Variants in PIK3R5 observed in about 807,000 individuals in gnomAD.
The protein encoded by PIK3R5 is phosphoinositide 3-kinase regulatory subunit 5.
A neutral mutation model predicts 94.9 loss-of-function variants in PIK3R5; 32 were observed. That is an observed-to-expected ratio of 0.34 (90% confidence interval 0.25 to 0.45). PIK3R5 has a LOEUF of 0.45. PIK3R5 is among the 20% of genes least tolerant of loss of function. The pLI is 1.00. For missense variants in PIK3R5, 853 were observed against 1,144.6 expected (o/e 0.75, Z 3.68); for synonymous variants, 443 against 479.4 (o/e 0.92, Z 0.99).
chr17:8,927,778 G>A (rs1274129173), intron 1 of PIK3R5, among the ~76,000 whole-genome samples: 1 of 152,110 alleles, frequency 6.6e-6, no homozygotes, highest in Non-Finnish European at 1.5e-5. Flanking sequence ...AGAGGTCTTT[G>A]GATGGTTGGA....
At chr17:8,938,882 A>C (rs2091124458) in intron 1 of PIK3R5, among the ~76,000 whole-genome samples, 1 of 152,250 alleles carries the variant, frequency 6.6e-6, no homozygotes, top group African/African-American at 2.4e-5. Flanking sequence ...GAGCAAAAGA[A>C]AAAGATGAGA....
At chr17:8,902,249 A>ATT (rs397960477) in intron 5 of PIK3R5, among the ~76,000 whole-genome samples, 1,689 of 77,216 alleles carry the variant, frequency 0.022, 194 homozygotes, top group African/African-American at 0.044. Flanking sequence ...TGATATATTA[A>ATT]TTTTTTTTTT....
rs571615156 is a variant in PIK3R5 at position 8,884,010 on chromosome 17, G to A, written c.2205+697C>T. Among the ~76,000 whole-genome samples the A allele has an allele frequency of 1.1e-4, 16 of 152,214 alleles. No individual in the cohort carries two copies. Among genetic ancestry groups the A allele is most frequent in the African/African-American group, 3.4e-4 (14 of 41,522 alleles). The stretch of plus-strand genomic sequence containing the variant: ...TTTTATTGCTTTGTCATCACTTGCC[G>A]CTCTCTGGAATTATCTTGGCTATTT... On this transcript the variant is annotated intron_variant, in intron 15 of 18. Transcript: ENST00000447110. The surrounding 1 kb of genome is among the most constrained non-coding windows in gnomAD (Gnocchi z 5.8).
intron 6 of PIK3R5, among the ~76,000 whole-genome samples, chr17:8,891,828 A>T (rs1209742917): frequency 2.7e-5 from 4 of 148,912 alleles, no homozygotes; most frequent in Non-Finnish European, 4.5e-5. Context: ...CTGGTCTTGA[A>T]CTCCTCACCT....
chr17:8,918,475 T>C (rs1171904450), intron 1 of PIK3R5, among the ~76,000 whole-genome samples: 1 of 152,098 alleles, frequency 6.6e-6, no homozygotes, highest in Non-Finnish European at 1.5e-5. Context: ...TACCCACAAG[T>C]CTATAGATAA....
At chr17:8,952,074 G>A (rs140208162) in intron 1 of PIK3R5, among the ~76,000 whole-genome samples, 1 of 152,342 alleles carries the variant, frequency 6.6e-6, no homozygotes, top group East Asian at 1.9e-4. Flanking sequence ...TATGGACCAT[G>A]AGATGAGAGC....
intron 1 of PIK3R5, among the ~76,000 whole-genome samples, chr17:8,930,799 T>A (rs1308989335): frequency 6.6e-6 from 1 of 152,252 alleles, no homozygotes; most frequent in Non-Finnish European, 1.5e-5. Flanking sequence ...TATTATTTCA[T>A]TGCACAATAC....
At position 8,890,948 on chromosome 17, in the gene PIK3R5, G is replaced by C; in HGVS notation, c.483-36C>G. 6.2e-7 allele frequency: 1 copy of C among 1,600,362 alleles called. No homozygotes were observed. The highest frequency in any genetic ancestry group is 8.5e-7 in the Non-Finnish European group (1 of 1,174,550). On this transcript the variant is annotated intron_variant, in intron 6 of 18. Transcript: ENST00000447110. The surrounding 1 kb of genome is among the most constrained non-coding windows in gnomAD (Gnocchi z 6.1). Reference sequence around the variant, plus strand: ...AGGGGACCGGCTATGGCACCCAGGGGTGCGCAGCATGCCACAGTGCAGCCA... The same window carrying C: ...AGGGGACCGGCTATGGCACCCAGGGCTGCGCAGCATGCCACAGTGCAGCCA...
rs1442587107 is a variant in PIK3R5 at position 8,892,808 on chromosome 17, CT to C, written c.482+777del. Among the ~76,000 whole-genome samples, 1 of 152,120 alleles carries C rather than the reference CT, an allele frequency of 6.6e-6. No homozygotes were observed. The highest frequency in any genetic ancestry group is 2.4e-5 in the African/African-American group (1 of 41,420). On this transcript the variant is annotated intron_variant, in intron 6 of 18. Coordinates refer to ENST00000447110, the MANE Select transcript of PIK3R5 (RefSeq NM_001142633.3). This position sits in a 1 kb window ranked among gnomAD's most constrained non-coding sequence, Gnocchi z 4.3. ...GAGGAGGGCCGGGGGCCTATAATTT[CT>C]GAGGTGGTGAAGGCCGGGGTCCCTG...
In PIK3R5 at chr17:8,952,502, TC is replaced by T. The variant is rs1283337348; in HGVS notation, c.-14+13093del. Among the ~76,000 whole-genome samples the T allele has an allele frequency of 3.3e-5, 5 of 152,192 alleles. No individual in the cohort carries two copies. In the East Asian group the frequency reaches 7.7e-4, roughly 24 times the overall value. ...TGGAGCACAGGTTTTCTACATGGAG[TC>T]CCCACCTCTGTGTGTCCTACTCTAG... On this transcript the variant is annotated intron_variant, in intron 1 of 18. Coordinates refer to ENST00000447110, the MANE Select transcript of PIK3R5 (RefSeq NM_001142633.3).
At chr17:8,944,354 G>A (rs1013254708) in intron 1 of PIK3R5, among the ~76,000 whole-genome samples, 1 of 152,094 alleles carries the variant, frequency 6.6e-6, no homozygotes, top group Non-Finnish European at 1.5e-5. Context: ...TTGATTCCAT[G>A]TCTTTGCTGT....
chr17:8,880,490 C>G lies in PIK3R5; in HGVS notation c.*149G>C, dbSNP rs1176990431. The G allele has an allele frequency of 3.0e-5, 23 of 754,832 alleles. No individual in the cohort carries two copies. Among genetic ancestry groups the G allele is most frequent in the Admixed American group, 1.3e-4 (4 of 30,128 alleles). 46.8% of individuals were successfully genotyped at this position (754,832 alleles called of 1,614,324 possible). A position where few individuals can be genotyped will look rare whatever the true frequency, so the allele number is the denominator to read the frequency against. ...AGAACCCTGAGGCCCCAGAAACCCT[C>G]TACTCCCAGCCCCTGCTCATTGCAG... On this transcript the variant is annotated 3_prime_UTR_variant, in exon 19 of 19. Coordinates refer to ENST00000447110, the MANE Select transcript of PIK3R5 (RefSeq NM_001142633.3).
intron 5 of PIK3R5, among the ~76,000 whole-genome samples, chr17:8,900,707 G>T (rs1392179122): frequency 6.6e-6 from 1 of 152,202 alleles, no homozygotes; most frequent in Non-Finnish European, 1.5e-5. Context: ...CCCTTGTGCT[G>T]CAGGCTTCAC....
intron 14 of PIK3R5, among the ~76,000 whole-genome samples, chr17:8,885,376 C>T (rs1002323912): frequency 2.7e-5 from 4 of 150,324 alleles, no homozygotes; most frequent in Admixed American, 6.6e-5. Context: ...GCCCTGCCTC[C>T]CGGTACCCCT....
chr17:8,947,197 C>T (rs1326405259), intron 1 of PIK3R5, among the ~76,000 whole-genome samples: 1 of 152,152 alleles, frequency 6.6e-6, no homozygotes, highest in Non-Finnish European at 1.5e-5. Context: ...AGAATCTTTG[C>T]CTGGATAGCA....
intron 1 of PIK3R5, among the ~76,000 whole-genome samples, chr17:8,926,879 G>A (rs1418812956): frequency 2.0e-5 from 3 of 151,908 alleles, no homozygotes; most frequent in South Asian, 2.1e-4. Context: ...TATATTTTAT[G>A]CCTTGTTTTT....
intron 1 of PIK3R5, among the ~76,000 whole-genome samples, chr17:8,923,848 C>T (rs939209250): frequency 1.6e-4 from 24 of 151,194 alleles, no homozygotes; most frequent in Non-Finnish European, 3.4e-4. Flanking sequence ...AAAAAGATTG[C>T]AGTTGTGACA....
intron 1 of PIK3R5, among the ~76,000 whole-genome samples, chr17:8,963,759 T>G (rs771745390): frequency 6.6e-6 from 1 of 152,094 alleles, no homozygotes; most frequent in African/African-American, 2.4e-5. Context: ...CTGCTTCTAC[T>G]GCAGCCTGAG....
chr17:8,887,594 G>C lies in PIK3R5; in HGVS notation c.1706C>G (p.Pro569Arg). 6.2e-7 allele frequency: 1 copy of C among 1,610,186 alleles called. No individual in the cohort carries two copies. The highest frequency in any genetic ancestry group is 8.5e-7 in the Non-Finnish European group (1 of 1,178,376). The change falls in exon 11 of 19, where the codon CCT (proline) becomes CGT (arginine). Residue 569 changes from proline (P) to arginine (R), a missense_variant. This residue lies in a region of PIK3R5 where 319 missense variants were observed against 339.8 expected (regional missense o/e 0.94). Coordinates refer to ENST00000447110, the MANE Select transcript of PIK3R5 (RefSeq NM_001142633.3). ...VPVKRSHGTS[P>R]GACPPPRSQT... ...GCTCCGAGGGGGTGGACAGGCACCAGGGCTGGTCCCATGACTTCGCTTCAC... is the reference window on the plus strand; with the variant it reads ...GCTCCGAGGGGGTGGACAGGCACCACGGCTGGTCCCATGACTTCGCTTCAC...
Sources: allele counts gnomAD v4.1 joint callset (sites outside exome capture counted in the v4.1 genomes callset), GRCh38; gene constraint gnomAD v4.1.1; regional missense constraint gnomAD v4.1.1; non-coding constraint Gnocchi (gnomAD v3.1); transcripts MANE v1.5; gene names NCBI Gene and HGNC (gene_info 2026-07-23, HGNC 2026-07-21).